The following TNRC6B variants were observed in gnomAD, a reference collection of about 807,000 sequenced individuals.
TNRC6B encodes trinucleotide repeat containing adaptor 6B.
Under a neutral mutation model 203.6 loss-of-function variants are expected in TNRC6B, and 52 were observed. The ratio of observed to expected loss-of-function variants is 0.26; its 90% CI spans 0.20 to 0.32. TNRC6B has a LOEUF of 0.32. TNRC6B is among the 10% of genes least tolerant of loss of function. The pLI is 1.00. For missense variants in TNRC6B, 1,923 were observed against 2,286.2 expected, an observed-to-expected ratio of 0.84 and a Z score of 3.24; for synonymous variants, 838 against 845.7, an observed-to-expected ratio of 0.99 and a Z score of 0.16.
intron 3 of TNRC6B, among the ~76,000 whole-genome samples, chr22:40,138,398 T>G (rs1003789102): frequency 2.6e-5 from 4 of 152,192 alleles, no homozygotes; most frequent in Admixed American, 2.6e-4. Flanking sequence ...CTTGAGTAGC[T>G]GGGATTACAG....
chr22:40,121,810 CTTACGTGAAGACAAAG>C (rs2068449142), intron 2 of TNRC6B, among the ~76,000 whole-genome samples: 1 of 152,218 alleles, frequency 6.6e-6, no homozygotes, highest in South Asian at 2.1e-4. Flanking sequence ...GAAACAGCCA[CTTACGTGAAGACAAAG>C]TTGCCATAAC....
chr22:40,063,851 C>T (rs1459893439), intron 1 of TNRC6B, among the ~76,000 whole-genome samples: 3 of 152,010 alleles, frequency 2.0e-5, no homozygotes, highest in South Asian at 2.1e-4. Flanking sequence ...CAGAGTTGCA[C>T]GGCACCATGC....
intron 1 of TNRC6B, among the ~76,000 whole-genome samples, chr22:40,098,384 CAAAAAAAAAA>C (rs1056495905): frequency 3.9e-5 from 2 of 51,496 alleles, no homozygotes; most frequent in Non-Finnish European, 7.7e-5. Context: ...GACTCCGTCT[CAAAAAAAAAA>C]AAAAAAAAAA....
chr22:40,178,084 C>T lies in TNRC6B; in HGVS notation c.-52C>T, dbSNP rs2069085459. On this transcript the variant is annotated 5_prime_UTR_variant, in exon 1 of 23. Transcript: ENST00000454349. Reference sequence around the variant, plus strand: ...CATTTTTTGGACCTTTTTTCATTTCCATTTCTACCTTGTATGCCTCAATTT... The same window carrying T: ...CATTTTTTGGACCTTTTTTCATTTCTATTTCTACCTTGTATGCCTCAATTT... 3.1e-6 allele frequency: 5 copies of T among 1,596,360 alleles called. No individual in the cohort carries two copies. Among genetic ancestry groups the T allele is most frequent in the Non-Finnish European group, 4.3e-6 (5 of 1,174,354 alleles).
intron 11 of TNRC6B, among the ~76,000 whole-genome samples, chr22:40,283,504 A>G (rs2070744033): frequency 6.6e-6 from 1 of 152,204 alleles, no homozygotes; most frequent in Admixed American, 6.5e-5. Context: ...ATATTTTTAA[A>G]GACCAAATCT....
chr22:40,123,565 C>G (rs2068462860), intron 2 of TNRC6B, among the ~76,000 whole-genome samples: 1 of 152,158 alleles, frequency 6.6e-6, no homozygotes, highest in Non-Finnish European at 1.5e-5. Context: ...GATAAGGAGC[C>G]CAATGATGGT....
At chr22:40,262,325 A>G (rs2070399677) in intron 4 of TNRC6B, among the ~76,000 whole-genome samples, 152 bp downstream of exon 4, 1 of 151,922 alleles carries the variant, frequency 6.6e-6, no homozygotes, top group South Asian at 2.1e-4. Flanking sequence ...TGCGATGTGT[A>G]TTGGTGATTC....
At chr22:40,052,616 C>G (rs2146264277) in intron 1 of TNRC6B, among the ~76,000 whole-genome samples, 1 of 152,108 alleles carries the variant, frequency 6.6e-6, no homozygotes, top group South Asian at 2.1e-4. Flanking sequence ...ACCTCCACAC[C>G]TGGCTCATGT....
chr22:40,076,175 G>C (rs2068011256), intron 1 of TNRC6B, among the ~76,000 whole-genome samples: 1 of 152,222 alleles, frequency 6.6e-6, no homozygotes, highest in Middle Eastern at 3.2e-3. Flanking sequence ...CCAGCACTTT[G>C]GGAGGCCAAG....
chr22:40,300,261 CTG>C (rs749312734), intron 12 of TNRC6B, among the ~76,000 whole-genome samples, 192 bp from the exon 13 acceptor site: 5 of 152,146 alleles, frequency 3.3e-5, no homozygotes, highest in East Asian at 1.9e-4. Context: ...AATTTAAAAA[CTG>C]TTGTAATCTC....
At position 40,191,610 on chromosome 22, in the gene TNRC6B, C is replaced by T. The variant is rs574610815; in HGVS notation, c.5+13470C>T. Among the ~76,000 whole-genome samples the T allele has an allele frequency of 2.0e-5, 3 of 152,300 alleles. No individual in the cohort carries two copies. In the South Asian group the frequency reaches 6.2e-4, roughly 32 times the overall value. On this transcript the variant is annotated intron_variant, in intron 1 of 22. Coordinates refer to ENST00000454349, the MANE Select transcript of TNRC6B (RefSeq NM_001162501.2). Reference sequence around the variant, plus strand: ...TTTATTTTTTTAAACAAGACAGGTTCTCACTCTGTCATCCAGGCTGGAGTG... The same window carrying T: ...TTTATTTTTTTAAACAAGACAGGTTTTCACTCTGTCATCCAGGCTGGAGTG...
At chr22:40,051,890 C>T (rs2067748576) in intron 1 of TNRC6B, among the ~76,000 whole-genome samples, 1 of 152,116 alleles carries the variant, frequency 6.6e-6, no homozygotes, top group African/African-American at 2.4e-5. Flanking sequence ...ACTTTACATT[C>T]TTTTTTCTAG....
chr22:40,146,022 T>C (rs2068692647), intron 3 of TNRC6B, among the ~76,000 whole-genome samples: 1 of 152,018 alleles, frequency 6.6e-6, no homozygotes, highest in African/African-American at 2.4e-5. Context: ...AACTGTGAGA[T>C]TAGATGAAAT....
chr22:40,158,718 T>C (rs957647385), intron 4 of TNRC6B, among the ~76,000 whole-genome samples: 5 of 152,218 alleles, frequency 3.3e-5, no homozygotes, highest in African/African-American at 1.2e-4. Flanking sequence ...TTTTCACAGA[T>C]GAATTCTGTT....
rs1489868707 is a variant in TNRC6B at position 40,267,049 on chromosome 22, T to C, written c.2806+13T>C. 1.3e-6 allele frequency: 2 copies of C among 1,543,194 alleles called. No individual in the cohort carries two copies. Among genetic ancestry groups the C allele is most frequent in the African/African-American group, 2.8e-5 (2 of 72,490 alleles). On this transcript the variant is annotated intron_variant, in intron 5 of 22. Transcript: ENST00000454349. ...AAATCGGCATCAGGTAAGCAGTGGC[T>C]TTCTCTTGCAGCTTTTGATGAAGAA...
At chr22:40,189,427 A>G (rs1317887699) in intron 1 of TNRC6B, among the ~76,000 whole-genome samples, 1 of 151,878 alleles carries the variant, frequency 6.6e-6, no homozygotes, top group South Asian at 2.1e-4. Flanking sequence ...TGTTTTCAGA[A>G]CACACTTCAG....
At chr22:40,272,080 C>T (rs1037083159) in intron 6 of TNRC6B, among the ~76,000 whole-genome samples, 1 of 152,136 alleles carries the variant, frequency 6.6e-6, no homozygotes, top group Non-Finnish European at 1.5e-5. Flanking sequence ...GCTCGTGTTG[C>T]TTGTCAGTGG....
At chr22:40,100,068 TTA>T (rs2068223335) in intron 1 of TNRC6B, among the ~76,000 whole-genome samples, 1 of 21,452 alleles carries the variant, frequency 4.7e-5, no homozygotes, top group African/African-American at 5.1e-4. Flanking sequence ...TTTATTTTTA[TTA>T]TTTATTTATT....
chr22:40,104,202 G>C (rs973091959), intron 1 of TNRC6B, among the ~76,000 whole-genome samples: 1 of 152,046 alleles, frequency 6.6e-6, no homozygotes, highest in African/African-American at 2.4e-5. Flanking sequence ...AGTGAGCGGA[G>C]ATCACACCAT....
Sources: allele counts gnomAD v4.1 joint callset (sites outside exome capture counted in the v4.1 genomes callset), GRCh38; gene constraint gnomAD v4.1.1; transcripts MANE v1.5; gene names NCBI Gene and HGNC (gene_info 2026-07-23, HGNC 2026-07-21).